CPPED1: variants seen among roughly 807,000 people sequenced by gnomAD.
The protein encoded by CPPED1 is serine/threonine-protein phosphatase CPPED1.
CPPED1 carries 28 observed loss-of-function variants against 28.0 expected under a neutral mutation model. The ratio of observed to expected loss-of-function variants is 1.00; its 90% CI spans 0.74 to 1.37. The LOEUF is 1.37. Ranked by LOEUF, CPPED1 falls within the 40% of genes most tolerant of loss-of-function variation. CPPED1 has a pLI of 0.00. For missense variants in CPPED1, 504 were observed against 416.5 expected, an observed-to-expected ratio of 1.21 and a Z score of -1.83; for synonymous variants, 198 against 180.2, an observed-to-expected ratio of 1.10 and a Z score of -0.79.
intron 2 of CPPED1, among the ~76,000 whole-genome samples, chr16:12,721,610 G>A (rs563820345): frequency 1.8e-4 from 27 of 152,024 alleles, no homozygotes; most frequent in East Asian, 1.4e-3. Flanking sequence ...AAAATTAGCC[G>A]GGCATGGTAG....
chr16:12,802,834 G>A (rs75186816), intron 1 of CPPED1, among the ~76,000 whole-genome samples: 5,076 of 152,302 alleles, frequency 0.033, 311 homozygotes, highest in African/African-American at 0.12. Context: ...AACAAAACCT[G>A]TTGCAGAACT....
chr16:12,736,696 G>A (rs1024806649), intron 2 of CPPED1, among the ~76,000 whole-genome samples: 2 of 152,168 alleles, frequency 1.3e-5, no homozygotes, highest in Admixed American at 1.3e-4. Context: ...CAGAATGCTA[G>A]GCAATCTAAA....
chr16:12,726,507 T>C (rs188520971), intron 2 of CPPED1, among the ~76,000 whole-genome samples: 13 of 152,062 alleles, frequency 8.5e-5, no homozygotes, highest in Non-Finnish European at 8.8e-5. Flanking sequence ...CACACCCAGC[T>C]AATTTTTGAA....
chr16:12,775,298 A>C (rs1013206359), intron 2 of CPPED1, among the ~76,000 whole-genome samples: 10 of 152,152 alleles, frequency 6.6e-5, no homozygotes, highest in African/African-American at 2.2e-4. Context: ...AATAAATTTC[A>C]TTTCTTATAA....
intron 2 of CPPED1, among the ~76,000 whole-genome samples, chr16:12,765,454 G>A (rs962040560): frequency 1.3e-5 from 2 of 152,136 alleles, no homozygotes; most frequent in South Asian, 2.1e-4. Flanking sequence ...AGATTTAACT[G>A]TCTGACATAA....
intron 3 of CPPED1, among the ~76,000 whole-genome samples, chr16:12,685,532 G>T (rs1052513782): frequency 6.6e-6 from 1 of 152,186 alleles, no homozygotes; most frequent in Admixed American, 6.5e-5. Flanking sequence ...GACGTAATGC[G>T]TTTAAACCCC....
At chr16:12,696,673 C>G (rs376590158) in intron 3 of CPPED1, among the ~76,000 whole-genome samples, 3 of 151,206 alleles carry the variant, frequency 2.0e-5, no homozygotes, top group East Asian at 2.0e-4. Context: ...GAACTCCTGA[C>G]CTCAGGTGAT....
Position 12,716,212 on chromosome 16 carries a change from C to T in CPPED1, c.290-11163G>A, listed in dbSNP as rs1309978900. Among the ~76,000 whole-genome samples, 6 of 152,304 alleles carry T rather than the reference C, an allele frequency of 3.9e-5. No homozygotes were observed. The East Asian group carries it at 1.2e-3, about 29-fold the overall frequency. Reference sequence around the variant, plus strand: ...GGTCTTCCATAAATTATTTTTCCTCCAAAGTGATCACCTCTCCTGTATTTA... The same window carrying T: ...GGTCTTCCATAAATTATTTTTCCTCTAAAGTGATCACCTCTCCTGTATTTA... On this transcript the variant is annotated intron_variant, in intron 2 of 3. Transcript: ENST00000381774.
At chr16:12,789,856 T>C (rs1447308977) in intron 1 of CPPED1, among the ~76,000 whole-genome samples, 2 of 152,166 alleles carry the variant, frequency 1.3e-5, no homozygotes, top group East Asian at 1.9e-4. Flanking sequence ...AATCGAATTA[T>C]AAAATTAACT....
rs995475490 is a variant in CPPED1, at chr16:12,782,728, C to A, written c.71-1325G>T. 2.6e-5 allele frequency among the ~76,000 whole-genome samples: 4 copies of A among 151,860 alleles called. No individual in the cohort carries two copies. The East Asian group carries it at 7.8e-4, about 30-fold the overall frequency. ...TATAAAAATTAGCCAGGCGTGGTGGCTAATTACAGGTGGGCACCTGTAATC... is the reference window on the plus strand; with the variant it reads ...TATAAAAATTAGCCAGGCGTGGTGGATAATTACAGGTGGGCACCTGTAATC... On this transcript the variant is annotated intron_variant, in intron 1 of 3. Coordinates refer to ENST00000381774, the MANE Select transcript of CPPED1 (RefSeq NM_018340.3).
rs1042820880 is a variant in CPPED1 at position 12,803,750 on chromosome 16, A to G, written c.27T>C (p.Val9=). 1 of 1,597,480 alleles carries G rather than the reference A, an allele frequency of 6.3e-7. No homozygotes were observed. Among genetic ancestry groups the G allele is most frequent in the African/African-American group, 1.4e-5 (1 of 73,926 alleles). The change falls in exon 1 of 4, where the codon GTT becomes GTC. Residue 9 remains valine, a synonymous_variant. Coordinates refer to ENST00000381774, the MANE Select transcript of CPPED1 (RefSeq NM_018340.3). MSAAEAGG[V]FHRARGRTLA... is the part of the protein sequence containing the mutation. ...GGGTCCTGCCCCTGGCTCTGTGGAA[A>G]ACACCCCCCGCCTCTGCAGCCGACA...
chr16:12,711,918 T>C (rs1405237068), intron 2 of CPPED1, among the ~76,000 whole-genome samples: 1 of 152,126 alleles, frequency 6.6e-6, no homozygotes, highest in Non-Finnish European at 1.5e-5. Context: ...AACAGCCCCC[T>C]ACCCAGGGAA....
At chr16:12,731,631 G>A (rs2080198168) in intron 2 of CPPED1, among the ~76,000 whole-genome samples, 1 of 151,760 alleles carries the variant, frequency 6.6e-6, no homozygotes, top group Non-Finnish European at 1.5e-5. Flanking sequence ...TACGGAAATG[G>A]GGAGCCTTCA....
intron 3 of CPPED1, among the ~76,000 whole-genome samples, chr16:12,679,246 C>T (rs542597942): frequency 5.3e-5 from 8 of 152,322 alleles, no homozygotes; most frequent in East Asian, 3.9e-4. Context: ...AGCAGGTTCA[C>T]GGACTTACTA....
In CPPED1 at chr16:12,781,533, T is replaced by C. The variant is rs1010945296; in HGVS notation, c.71-130A>G. 5.2e-6 allele frequency: 4 copies of C among 770,268 alleles called. No homozygotes were observed. The Admixed American group carries it at 1.1e-4, about 21-fold the overall frequency. 47.7% of individuals were successfully genotyped at this position (770,268 alleles called of 1,614,324 possible). ...GTAGGTCATTTTAATAAGCTGTGGT[T>C]CAAACATACCATTTTCCTGTCATAG... On this transcript the variant is annotated intron_variant, in intron 1 of 3. Transcript: ENST00000381774.
chr16:12,664,522 G>A lies in CPPED1; in HGVS notation c.*364C>T. The A allele has an allele frequency of 9.3e-7, 1 of 1,070,734 alleles. No homozygotes were observed. The highest frequency in any genetic ancestry group is 1.1e-6 in the Non-Finnish European group (1 of 884,546). 66.3% of individuals were successfully genotyped at this position (1,070,734 alleles called of 1,614,324 possible). ...GAATTATCAAAGATCATACTTGGCT[G>A]TCAGATTGGAATTGAGGTCGATAGG... On this transcript the variant is annotated 3_prime_UTR_variant, in exon 4 of 4. Transcript: ENST00000381774. This position sits in a 1 kb window ranked among gnomAD's most constrained non-coding sequence, Gnocchi z 4.2.
intron 3 of CPPED1, among the ~76,000 whole-genome samples, chr16:12,690,524 GA>G (rs1216438082): frequency 5.1e-5 from 7 of 137,876 alleles, no homozygotes; most frequent in African/African-American, 7.7e-5. Flanking sequence ...AAGAAAGAAA[GA>G]AAAAAAAAAG....
chr16:12,703,231 T>C lies in CPPED1; in HGVS notation c.715+1393A>G, dbSNP rs570484036. ...TTAATAGAAGTTTTCTAACTTTATC[T>C]CCATGGAACAGCTGGAAAACATCTC... is the stretch of plus-strand genomic sequence containing the variant. On this transcript the variant is annotated intron_variant, in intron 3 of 3. Transcript: ENST00000381774. Among the ~76,000 whole-genome samples the C allele has an allele frequency of 3.9e-5, 6 of 152,276 alleles. No individual in the cohort carries two copies. The East Asian group carries it at 1.2e-3, about 29-fold the overall frequency.
intron 2 of CPPED1, among the ~76,000 whole-genome samples, chr16:12,762,742 A>C (rs2080416835): frequency 6.6e-6 from 1 of 152,036 alleles, no homozygotes; most frequent in African/African-American, 2.4e-5. Flanking sequence ...TGGGTTGATA[A>C]AAATGTTTTG....
Sources: allele counts gnomAD v4.1 joint callset (sites outside exome capture counted in the v4.1 genomes callset), GRCh38; gene constraint gnomAD v4.1.1; non-coding constraint Gnocchi (gnomAD v3.1); transcripts MANE v1.5; gene names NCBI Gene and HGNC (gene_info 2026-07-23, HGNC 2026-07-21).